The following BPTF variants were observed in gnomAD, a reference collection of about 807,000 sequenced individuals.
BPTF encodes the protein bromodomain PHD finger transcription factor, also known as nucleosome-remodeling factor subunit BPTF.
In BPTF, 18 loss-of-function variants were observed where a neutral mutation model predicts 292.5. The ratio of observed to expected loss-of-function variants is 0.06; its 90% CI spans 0.04 to 0.09. The LOEUF is 0.09. BPTF is among the 10% of genes least tolerant of loss of function. The pLI is 1.00. For missense variants in BPTF, 2,726 were observed against 3,498.7 expected, an observed-to-expected ratio of 0.78 and a Z score of 5.57; for synonymous variants, 1,225 against 1,251.9, an observed-to-expected ratio of 0.98 and a Z score of 0.45.
chr17:67,886,448 G>C (rs1229480774), intron 4 of BPTF: 1 of 557,120 alleles, frequency 1.8e-6, no homozygotes, highest in Non-Finnish European at 2.9e-6. Context: ...AAAGTTTGGT[G>C]GGGGGTGGAA....
In BPTF at chr17:67,917,131, C is replaced by CTT. The variant is rs943348736; in HGVS notation, c.5304-1565_5304-1564dup. On this transcript the variant is annotated intron_variant, in intron 11 of 27. Transcript: ENST00000306378. ...GATAAGTAACTAATATGGTATTGTC[C>CTT]TTTTTTTTTTTTTTTTTTTGAGATA... Among the ~76,000 whole-genome samples, 259 of 105,780 alleles carry CTT rather than the reference C, an allele frequency of 2.4e-3. 22 individuals carry two copies. In the East Asian group the frequency reaches 0.029, roughly 12 times the overall value. The allele number at this position is 105,780 out of a possible 152,430, so 69.4% of individuals were successfully genotyped here.
intron 27 of BPTF, chr17:67,981,376 A>T (rs1201148320): frequency 1.4e-6 from 1 of 703,128 alleles, no homozygotes; most frequent in Non-Finnish European, 2.0e-6. Context: ...CATTGTTTTC[A>T]TTACTGCACT....
Position 67,891,874 on chromosome 17 carries a change from G to A in BPTF, c.1895G>A (p.Gly632Glu). ...VGDFKSEKSN[G>E]ELSESPGAGK... ...GATTTCAAATCGGAGAAGTCCAACGGGGAGCTAAGTGAATCTCCTGGAGCT... is the reference window on the plus strand; with the variant it reads ...GATTTCAAATCGGAGAAGTCCAACGAGGAGCTAAGTGAATCTCCTGGAGCT... The change falls in exon 5 of 28, where the codon GGG (glycine) becomes GAG (glutamate). Residue 632 changes from glycine (G) to glutamate (E), a missense_variant. Gly to Glu is a moderately conservative substitution (Grantham distance 98). Around this residue, in one of 22 missense-constraint regions of BPTF, gnomAD observed 187 missense variants for 201.5 expected, o/e 0.93. Transcript: ENST00000306378. The A allele has an allele frequency of 6.2e-7, 1 of 1,606,674 alleles. No homozygotes were observed. The highest frequency in any genetic ancestry group is 8.5e-7 in the Non-Finnish European group (1 of 1,177,108).
intron 23 of BPTF, chr17:67,957,283 CAAAAAAATAAAAAAATA>C (rs2067050389): frequency 6.6e-6 from 1 of 150,914 alleles, no homozygotes; most frequent in South Asian, 2.1e-4. Context: ...AACTCCGTCT[CAAAAAAATAAAAAAATA>C]AAAAAAATAA....
intron 4 of BPTF, among the ~76,000 whole-genome samples, chr17:67,890,695 G>GA (rs1425364756): frequency 1.3e-5 from 2 of 152,180 alleles, no homozygotes; most frequent in African/African-American, 4.8e-5. Flanking sequence ...CCAAAGGAAA[G>GA]AAGGGGTATG....
intron 11 of BPTF, among the ~76,000 whole-genome samples, chr17:67,915,095 A>T (rs2062895144): frequency 6.6e-6 from 1 of 152,162 alleles, no homozygotes; most frequent in African/African-American, 2.4e-5. Context: ...GATGGTTAGG[A>T]GTTAAGAATG....
intron 2 of BPTF, among the ~76,000 whole-genome samples, chr17:67,859,667 G>T (rs768525742): frequency 2.6e-5 from 4 of 152,136 alleles, no homozygotes; most frequent in Non-Finnish European, 5.9e-5. Flanking sequence ...CATCGTTTTA[G>T]CTGTTAAAAC....
intron 26 of BPTF, among the ~76,000 whole-genome samples, chr17:67,970,714 A>G (rs2068666728): frequency 1.3e-5 from 2 of 152,264 alleles, no homozygotes; most frequent in South Asian, 2.1e-4. Context: ...ATAGGTTTAA[A>G]TGAATTATGT....
In BPTF at chr17:67,982,577, A is replaced by ACT. The variant is rs1555697319; in HGVS notation, c.*289_*290insCT. Reference sequence around the variant, plus strand: ...AAAAAAAAAGAAAAAGAAAGCAAGAAAAAAAGATACTATGGGGTCAAGTGT... The same window carrying ACT: ...AAAAAAAAAGAAAAAGAAAGCAAGAACTAAAAAGATACTATGGGGTCAAGTGT... On this transcript the variant is annotated 3_prime_UTR_variant, in exon 28 of 28. Transcript: ENST00000306378. 6.8e-6 allele frequency: 2 copies of ACT among 293,770 alleles called. No homozygotes were observed. Among genetic ancestry groups the ACT allele is most frequent in the African/African-American group, 2.2e-5 (1 of 46,004 alleles). The allele number at this position is 293,770 out of a possible 1,614,324, so 18.2% of individuals were successfully genotyped here.
At chr17:67,949,556 C>T (rs371823434) in intron 23 of BPTF, among the ~76,000 whole-genome samples, 1 of 150,782 alleles carries the variant, frequency 6.6e-6, no homozygotes, top group Non-Finnish European at 1.5e-5. Context: ...GCCTGGACAA[C>T]AGAGTGAGAC....
At chr17:67,862,141 A>C (rs1015448933) in intron 2 of BPTF, among the ~76,000 whole-genome samples, 3 of 151,916 alleles carry the variant, frequency 2.0e-5, no homozygotes, top group Non-Finnish European at 2.9e-5. Context: ...ACACCCGGCT[A>C]ATTTTTGTAT....
rs559931664 is a variant in BPTF, at chr17:67,881,382, A to G, written c.1864+6362A>G. On this transcript the variant is annotated intron_variant, in intron 4 of 27. Coordinates refer to ENST00000306378, the MANE Select transcript of BPTF (RefSeq NM_182641.4). Reference sequence around the variant, plus strand: ...TATCCCATCAAAAGGCTCATGGTATATGGTTTTTGTACCTTCAGAGATGCC... The same window carrying G: ...TATCCCATCAAAAGGCTCATGGTATGTGGTTTTTGTACCTTCAGAGATGCC... 2.6e-5 allele frequency among the ~76,000 whole-genome samples: 4 copies of G among 151,450 alleles called. No individual in the cohort carries two copies. The South Asian group carries it at 8.4e-4, about 32-fold the overall frequency.
At position 67,858,552 on chromosome 17, in the gene BPTF, C is replaced by T. The variant is rs546500200; in HGVS notation, c.1436+3790C>T. On this transcript the variant is annotated intron_variant, in intron 2 of 27. Coordinates refer to ENST00000306378, the MANE Select transcript of BPTF (RefSeq NM_182641.4). The stretch of plus-strand genomic sequence containing the variant: ...CCTGGGTGATGGAGTGAGACTCTGT[C>T]TCCAAAAAAAAAAAAAAAAAAAAAA... 3.3e-5 allele frequency among the ~76,000 whole-genome samples: 4 copies of T among 120,362 alleles called. No individual in the cohort carries two copies. In the East Asian group the frequency reaches 1.0e-3, roughly 31 times the overall value. The allele number at this position is 120,362 out of a possible 152,430, so 79.0% of individuals were successfully genotyped here. A position where few individuals can be genotyped will look rare whatever the true frequency, so the allele number is the denominator to read the frequency against.
chr17:67,863,330 G>A (rs2059197397), intron 2 of BPTF, among the ~76,000 whole-genome samples: 1 of 152,064 alleles, frequency 6.6e-6, no homozygotes, highest in African/African-American at 2.4e-5. Context: ...TGTTGCCCAG[G>A]CTGGAGTGCA....
At chr17:67,859,864 A>G (rs2058969606) in intron 2 of BPTF, among the ~76,000 whole-genome samples, 1 of 152,228 alleles carries the variant, frequency 6.6e-6, no homozygotes, top group African/African-American at 2.4e-5. Flanking sequence ...TCAGGGAAGC[A>G]AAATATATAC....
chr17:67,929,516 T>G, intron 17 of BPTF, 29 bp downstream of exon 17: 1 of 1,609,456 alleles, frequency 6.2e-7, no homozygotes, highest in Non-Finnish European at 8.5e-7. Flanking sequence ...TTATTTGGTT[T>G]GATGTGTTGA....
At position 67,869,359 on chromosome 17, in the gene BPTF, A is replaced by T. The variant is rs533127978; in HGVS notation, c.1660+2672A>T. Among the ~76,000 whole-genome samples, 45 of 152,360 alleles carry T rather than the reference A, an allele frequency of 3.0e-4. 2 individuals carry two copies. In the South Asian group the frequency reaches 9.3e-3, roughly 32 times the overall value. On this transcript the variant is annotated intron_variant, in intron 3 of 27. Transcript: ENST00000306378. ...CATAATTAAAGAACAAAGTCAAAACAGGAATGGGTAATCAAGTGTTAAGTG... is the reference window on the plus strand; with the variant it reads ...CATAATTAAAGAACAAAGTCAAAACTGGAATGGGTAATCAAGTGTTAAGTG...
chr17:67,931,366 G>A (rs552591021), intron 17 of BPTF, among the ~76,000 whole-genome samples: 1 of 152,306 alleles, frequency 6.6e-6, no homozygotes, highest in South Asian at 2.1e-4. Flanking sequence ...CTAGCTTCTT[G>A]GGAGGCTGAG....
At chr17:67,869,118 C>T (rs73995045) in intron 3 of BPTF, among the ~76,000 whole-genome samples, 3,887 of 152,232 alleles carry the variant, frequency 0.026, 186 homozygotes, top group African/African-American at 0.088. Flanking sequence ...TACTTCCCCC[C>T]TTAATTTCCT....
Sources: gnomAD v4.1 joint callset for allele counts (sites outside exome capture counted in the v4.1 genomes callset) on GRCh38, gnomAD v4.1.1 for gene constraint, gnomAD v4.1.1 regional missense constraint, MANE v1.5 for transcripts, NCBI Gene and HGNC (gene_info 2026-07-23, HGNC 2026-07-21) for gene names.